METRNL: variants seen among roughly 807,000 people sequenced by gnomAD.
The protein encoded by METRNL is meteorin like, glial cell differentiation regulator.
A neutral mutation model predicts 17.4 loss-of-function variants in METRNL; 9 were observed. The ratio of observed to expected loss-of-function variants is 0.52; its 90% CI spans 0.31 to 0.90. METRNL has a LOEUF of 0.90. Ranked by LOEUF, METRNL falls within the 40% of genes least tolerant of loss-of-function variation. The pLI is 0.05. For missense variants in METRNL, 408 were observed against 430.7 expected, an observed-to-expected ratio of 0.95 and a Z score of 0.47; for synonymous variants, 215 against 199.3, an observed-to-expected ratio of 1.08 and a Z score of -0.66.
intron 2 of METRNL, among the ~76,000 whole-genome samples, chr17:83,091,054 C>T (rs546148872): frequency 3.3e-5 from 5 of 152,196 alleles, no homozygotes; most frequent in South Asian, 2.1e-4. Flanking sequence ...AGGAGGCCCC[C>T]GTGGTGGGGG....
At position 83,082,949 on chromosome 17, in the gene METRNL, G is replaced by A. The variant is rs373344602; in HGVS notation, c.171-1989G>A. ...GTCTGGATGTTTCGGGAGAATGTGAGAGGAGAGGGGAGCAGGCCCTGTGCT... is the reference window on the plus strand; with the variant it reads ...GTCTGGATGTTTCGGGAGAATGTGAAAGGAGAGGGGAGCAGGCCCTGTGCT... On this transcript the variant is annotated intron_variant, in intron 1 of 3. Transcript: ENST00000320095. 2.4e-4 allele frequency among the ~76,000 whole-genome samples: 37 copies of A among 152,374 alleles called. No individual in the cohort carries two copies. In the East Asian group the frequency reaches 4.0e-3, roughly 17 times the overall value.
At chr17:83,081,797 C>T (rs1373844355) in intron 1 of METRNL, among the ~76,000 whole-genome samples, 1 of 152,148 alleles carries the variant, frequency 6.6e-6, no homozygotes, top group Non-Finnish European at 1.5e-5. Flanking sequence ...GTTTCTGGGG[C>T]GTAAGTGAGA....
At chr17:83,080,601 CTTTTTTTTTT>C (rs563834169) in intron 1 of METRNL, among the ~76,000 whole-genome samples, 10 of 52,168 alleles carry the variant, frequency 1.9e-4, no homozygotes, top group Admixed American at 1.7e-3. Flanking sequence ...CGGCCGAGGA[CTTTTTTTTTT>C]TTTTTTTTTT....
At chr17:83,088,201 GCCTT>G (rs1181374843) in intron 2 of METRNL, among the ~76,000 whole-genome samples, 2 of 152,224 alleles carry the variant, frequency 1.3e-5, no homozygotes, top group African/African-American at 2.4e-5. Flanking sequence ...CGACACGGAC[GCCTT>G]CCTTGGATGC....
At chr17:83,087,311 C>T (rs1394899830) in intron 2 of METRNL, among the ~76,000 whole-genome samples, 1 of 151,988 alleles carries the variant, frequency 6.6e-6, no homozygotes, top group African/African-American at 2.4e-5. Flanking sequence ...GGTTGCTTAT[C>T]CGAGGAAGCA....
At chr17:83,085,460 A>G (rs1265754348) in intron 2 of METRNL, 137 bp downstream of exon 2, 20 of 1,232,550 alleles carry the variant, frequency 1.6e-5, no homozygotes, top group Admixed American at 3.1e-5. Flanking sequence ...TGCTTCGGAC[A>G]TGACTGTTTT....
intron 2 of METRNL, among the ~76,000 whole-genome samples, chr17:83,089,366 T>C (rs2038089511): frequency 6.6e-6 from 1 of 152,178 alleles, no homozygotes; most frequent in African/African-American, 2.4e-5. Context: ...AGGTTTCCCG[T>C]CGGAACTGTG....
In METRNL at chr17:83,079,633, G is replaced by A. The variant is rs1016883305; in HGVS notation, c.-183G>A. 6 of 152,078 alleles carry A rather than the reference G, an allele frequency of 3.9e-5. No individual in the cohort carries two copies. The highest frequency in any genetic ancestry group is 1.4e-4 in the Admixed American group (2 of 14,760). 9.4% of individuals were successfully genotyped at this position (152,078 alleles called of 1,614,324 possible). A position where few individuals can be genotyped will look rare whatever the true frequency, so the allele number is the denominator to read the frequency against. ...CAGAGGCTCGGCGGCGGCGGCGGGC[G>A]CGGAGCTCTGCGCGCGGCTCCAGCG... On this transcript the variant is annotated 5_prime_UTR_variant, in exon 1 of 4. Transcript: ENST00000320095.
At chr17:83,080,951 C>T (rs1034679910) in intron 1 of METRNL, among the ~76,000 whole-genome samples, 1 of 151,490 alleles carries the variant, frequency 6.6e-6, no homozygotes, top group East Asian at 2.0e-4. Context: ...AGAGCCGGTG[C>T]GGGGCGGGTG....
intron 2 of METRNL, among the ~76,000 whole-genome samples, chr17:83,090,079 G>A (rs1017362706): frequency 5.9e-5 from 9 of 151,794 alleles, no homozygotes; most frequent in African/African-American, 2.2e-4. Context: ...CCCAGGCCCC[G>A]GGGTGGGACG....
At chr17:83,093,069 T>G (rs1459338132) in intron 2 of METRNL, 98 bp from the exon 3 acceptor site, 1 of 995,018 alleles carries the variant, frequency 1.0e-6, no homozygotes, top group Non-Finnish European at 1.5e-6. Flanking sequence ...CCTCCCTGAC[T>G]TGGCTTTGCT....
At chr17:83,087,549 C>T (rs1327751761) in intron 2 of METRNL, among the ~76,000 whole-genome samples, 7 of 152,188 alleles carry the variant, frequency 4.6e-5, no homozygotes, top group Admixed American at 3.3e-4. Context: ...CCAGGGTATT[C>T]GCCTTTCATC....
intron 2 of METRNL, chr17:83,092,449 G>C (rs1022576946): frequency 6.6e-6 from 1 of 152,556 alleles, no homozygotes; most frequent in African/African-American, 2.4e-5. Flanking sequence ...GAGCTGTGGG[G>C]AGTGTCTGCC....
rs186839543 is a variant in METRNL at position 83,092,236 on chromosome 17, C to T, written c.557-931C>T. 5.3e-4 allele frequency among the ~76,000 whole-genome samples: 81 copies of T among 152,318 alleles called. No individual in the cohort carries two copies. The East Asian group carries it at 5.6e-3, about 11-fold the overall frequency. ...GCCAGGTGGCATCCGGGGAAGGGGC[C>T]GGGCCGATGGCCCTGACTGGAACTC... is the stretch of plus-strand genomic sequence containing the variant. On this transcript the variant is annotated intron_variant, in intron 2 of 3. Coordinates refer to ENST00000320095, the MANE Select transcript of METRNL (RefSeq NM_001004431.3).
At chr17:83,080,020 C>T in intron 1 of METRNL, 35 bp downstream of exon 1, 1 of 1,008,450 alleles carries the variant, frequency 9.9e-7, no homozygotes. Flanking sequence ...GCCCGGCCCC[C>T]TCCCCTCGCG....
rs1600496704 is a variant in METRNL at position 83,095,027 on chromosome 17, T to G, written c.*452T>G. The G allele has an allele frequency of 6.1e-6, 1 of 163,312 alleles. No individual in the cohort carries two copies. The highest frequency in any genetic ancestry group is 2.4e-5 in the African/African-American group (1 of 41,944). 10.1% of individuals were successfully genotyped at this position (163,312 alleles called of 1,614,324 possible). On this transcript the variant is annotated 3_prime_UTR_variant, in exon 4 of 4. Coordinates refer to ENST00000320095, the MANE Select transcript of METRNL (RefSeq NM_001004431.3). ...GGAAGTTTTGGAGCCAAATAATACGTTTTTTATTTTCATTTTATTTTTAAA... is the reference window on the plus strand; with the variant it reads ...GGAAGTTTTGGAGCCAAATAATACGGTTTTTATTTTCATTTTATTTTTAAA...
intron 3 of METRNL, among the ~76,000 whole-genome samples, chr17:83,093,721 A>G (rs1217374342): frequency 2.0e-5 from 3 of 152,138 alleles, no homozygotes; most frequent in Non-Finnish European, 4.4e-5. Flanking sequence ...GCGTTTGCAC[A>G]GACGCCCTGT....
chr17:83,081,536 C>T (rs1178693590), intron 1 of METRNL, among the ~76,000 whole-genome samples: 1 of 152,188 alleles, frequency 6.6e-6, no homozygotes, highest in Non-Finnish European at 1.5e-5. Context: ...CGGGCGGCTC[C>T]TCCAGGCAGG....
At chr17:83,081,408 C>T (rs1227353141) in intron 1 of METRNL, among the ~76,000 whole-genome samples, 1 of 152,174 alleles carries the variant, frequency 6.6e-6, no homozygotes, top group Non-Finnish European at 1.5e-5. Context: ...GGCCGGCGCC[C>T]TTTTCAGGGT....
Sources: allele counts gnomAD v4.1 joint callset (sites outside exome capture counted in the v4.1 genomes callset), GRCh38; gene constraint gnomAD v4.1.1; transcripts MANE v1.5; gene names NCBI Gene and HGNC (gene_info 2026-07-23, HGNC 2026-07-21).